ARL10: variants seen among roughly 807,000 people sequenced by gnomAD.
ARL10 encodes ADP-ribosylation factor-like protein 10.
Under a neutral mutation model 26.1 loss-of-function variants are expected in ARL10, and 23 were observed. That is an observed-to-expected ratio of 0.88 (90% confidence interval 0.63 to 1.25). ARL10 has a LOEUF of 1.25. ARL10 is among the 50% of genes most tolerant of loss of function. ARL10 has a pLI of 0.00. For synonymous variants in ARL10, 138 were observed against 149.1 expected (o/e 0.93, Z 0.54); for missense variants, 300 against 323.6 (o/e 0.93, Z 0.56).
intron 1 of ARL10, among the ~76,000 whole-genome samples, chr5:176,399,000 A>G (rs540886859): frequency 1.3e-5 from 2 of 151,808 alleles, no homozygotes; most frequent in African/African-American, 4.8e-5. Context: ...ACGTCACGAC[A>G]CCCGGCTAAT....
rs931072440 is a variant in ARL10, at chr5:176,380,183, C to G, written c.*8288C>G. 1 of 152,178 alleles carries G rather than the reference C, an allele frequency of 6.6e-6. No individual in the cohort carries two copies. Among genetic ancestry groups the G allele is most frequent in the African/African-American group, 2.4e-5 (1 of 41,444 alleles). The allele number at this position is 152,178 out of a possible 1,614,324, so 9.4% of individuals were successfully genotyped here. A position where few individuals can be genotyped will look rare whatever the true frequency, so the allele number is the denominator to read the frequency against. On this transcript the variant is annotated 3_prime_UTR_variant, in exon 4 of 4. Transcript: ENST00000310389. ...TCAAAGCATCGAGGCAAAGAAGAGA[C>G]AGAGAAGGAGCAATCCAGGTTCATG...
At chr5:176,371,074 T>G (rs1768512378) in intron 3 of ARL10, among the ~76,000 whole-genome samples, 1 of 152,142 alleles carries the variant, frequency 6.6e-6, no homozygotes, top group Admixed American at 6.5e-5. Flanking sequence ...GCTTGACACA[T>G]AGGAAGTGCT....
downstream of ARL10, among the ~76,000 whole-genome samples, chr5:176,383,061 C>T (rs1412070045): frequency 6.6e-6 from 1 of 152,078 alleles, no homozygotes; most frequent in East Asian, 1.9e-4. Context: ...TGATGGGCAG[C>T]CTTCAGGGGT....
chr5:176,392,396 C>T (rs1756292248), downstream of ARL10: 1 of 181,034 alleles, frequency 5.5e-6, no homozygotes, highest in Admixed American at 5.8e-5. The surrounding 1 kb of genome is among the most constrained non-coding windows in gnomAD (Gnocchi z 5.2). Context: ...ATTCTCCCTT[C>T]TCTCAAGGTC....
chr5:176,371,825 C>G lies in ARL10; in HGVS notation c.665C>G (p.Pro222Arg). ...EVFLLAASIA[P>R]AGPTFEEPGT... is the part of the protein sequence containing the mutation. ...TTCCTCTTGGCAGCCAGCATTGCCC[C>G]TGCAGGACCCACCTTTGAAGAGCCT... is the stretch of plus-strand genomic sequence containing the variant. The change falls in exon 4 of 4, where the codon CCT becomes CGT. Residue 222 changes from proline (P) to arginine (R), a missense_variant. Physicochemically the swap from Pro to Arg is moderately radical, Grantham distance 103. Transcript: ENST00000310389. 1 of 1,614,216 alleles carries G rather than the reference C, an allele frequency of 6.2e-7. No individual in the cohort carries two copies. The highest frequency in any genetic ancestry group is 2.2e-5 in the East Asian group (1 of 44,868).
chr5:176,411,003 GC>G, the ARL10 span, among the ~76,000 whole-genome samples: 1 of 152,166 alleles, frequency 6.6e-6, no homozygotes, highest in Non-Finnish European at 1.5e-5. Flanking sequence ...CCGCAGCTCA[GC>G]CCCAGCCCAG....
In ARL10 at chr5:176,372,603, CAG is replaced by C. The variant is rs1256976577; in HGVS notation, c.*710_*711del. The C allele has an allele frequency of 3.8e-6, 1 of 264,044 alleles. No individual in the cohort carries two copies. Among genetic ancestry groups the C allele is most frequent in the Non-Finnish European group, 7.1e-6 (1 of 141,794 alleles). 16.4% of individuals were successfully genotyped at this position (264,044 alleles called of 1,614,324 possible). A position where few individuals can be genotyped will look rare whatever the true frequency, so the allele number is the denominator to read the frequency against. On this transcript the variant is annotated 3_prime_UTR_variant, in exon 4 of 4. Transcript: ENST00000310389. ...CTGGCCTGCCAGCCTCTCTTGACTA[CAG>C]AATAACTGATATTCACCCACCAAAC...
At chr5:176,371,361 T>C (rs754691069) in intron 3 of ARL10, among the ~76,000 whole-genome samples, 4 of 152,162 alleles carry the variant, frequency 2.6e-5, no homozygotes, top group Non-Finnish European at 5.9e-5. Context: ...CCAGCCTGGG[T>C]GACAGAGCAA....
downstream of ARL10, among the ~76,000 whole-genome samples, chr5:176,382,770 C>T (rs1472772032): frequency 6.6e-6 from 1 of 152,142 alleles, no homozygotes; most frequent in Non-Finnish European, 1.5e-5. Context: ...ACAAAACCTA[C>T]AAGACACACA....
chr5:176,371,988 T>G lies in ARL10; in HGVS notation c.*93T>G. 2 of 1,501,094 alleles carry G rather than the reference T, an allele frequency of 1.3e-6. No homozygotes were observed. The highest frequency in any genetic ancestry group is 1.8e-6 in the Non-Finnish European group (2 of 1,122,678). 93.0% of individuals were successfully genotyped at this position (1,501,094 alleles called of 1,614,324 possible). A position where few individuals can be genotyped will look rare whatever the true frequency, so the allele number is the denominator to read the frequency against. On this transcript the variant is annotated 3_prime_UTR_variant, in exon 4 of 4. Transcript: ENST00000310389. Reference sequence around the variant, plus strand: ...GACTGGGCCTGGGGCAAGAGCCACATGGCAGCATTTCCCTTTTCCCCTCCT... The same window carrying G: ...GACTGGGCCTGGGGCAAGAGCCACAGGGCAGCATTTCCCTTTTCCCCTCCT...
downstream of ARL10, chr5:176,388,987 G>C (rs373545174): frequency 1.5e-5 from 25 of 1,613,706 alleles, no homozygotes; most frequent in African/African-American, 3.2e-4. Flanking sequence ...AGTGGGTGCG[G>C]TAGGAACTGC....
downstream of ARL10, chr5:176,406,549 G>C: frequency 7.8e-7 from 1 of 1,277,732 alleles, no homozygotes; most frequent in Non-Finnish European, 1.0e-6. Flanking sequence ...TAGGGGAAAG[G>C]AGAGAGGATC....
At chr5:176,382,902 A>G (rs1581401239), downstream of ARL10, among the ~76,000 whole-genome samples, 2 of 152,350 alleles carry the variant, frequency 1.3e-5, no homozygotes, top group African/African-American at 2.4e-5. Context: ...TGTGGAGGAC[A>G]TAAGATGGGG....
Position 176,368,910 on chromosome 5 carries a change from G to A in ARL10, c.489G>A (p.Trp163Ter). Residue 163 changes from tryptophan (W) to a stop codon, truncating the protein, a stop_gained, in exon 3 of 4, where the codon TGG (tryptophan) becomes TGA (stop). Coordinates refer to ENST00000310389, the MANE Select transcript of ARL10 (RefSeq NM_173664.6). LOFTEE classifies it high-confidence loss of function. This position sits in a 1 kb window ranked among gnomAD's most constrained non-coding sequence, Gnocchi z 4.1. ...VDSADRLRLP[W>*]ARQELHKLLD... The stretch of plus-strand genomic sequence containing the variant: ...CGGCTGACCGACTGCGGCTGCCCTG[G>A]GCCCGACAGGAGCTGCACAAGCTGC... 1 of 1,614,140 alleles carries A rather than the reference G, an allele frequency of 6.2e-7. No individual in the cohort carries two copies. Among genetic ancestry groups the A allele is most frequent in the Non-Finnish European group, 8.5e-7 (1 of 1,180,034 alleles).
chr5:176,399,755 T>TTTAC (rs1241079178), intron 1 of ARL10, among the ~76,000 whole-genome samples: 2 of 149,260 alleles, frequency 1.3e-5, no homozygotes, highest in Non-Finnish European at 3.0e-5. Flanking sequence ...ATTAGCCAGG[T>TTTAC]GTAATGGCTG....
downstream of ARL10, chr5:176,388,791 C>T (rs71599493): frequency 6.2e-7 from 1 of 1,604,548 alleles, no homozygotes; most frequent in Non-Finnish European, 8.5e-7. Flanking sequence ...GTCGGAGTCC[C>T]GATTTTCTCC....
At chr5:176,384,849 T>G (rs1040806076), downstream of ARL10, 6 of 476,586 alleles carry the variant, frequency 1.3e-5, no homozygotes, top group South Asian at 2.1e-4. Context: ...TGACCCATCA[T>G]AGCCAGCTAA....
chr5:176,412,900 T>A, the ARL10 span, among the ~76,000 whole-genome samples: 1 of 152,080 alleles, frequency 6.6e-6, no homozygotes, highest in Non-Finnish European at 1.5e-5. Flanking sequence ...GTTACCAGGG[T>A]CTATTCCCTG....
intron 3 of ARL10, chr5:176,369,224 A>T: frequency 6.7e-7 from 1 of 1,486,438 alleles, no homozygotes; most frequent in Non-Finnish European, 8.9e-7. Flanking sequence ...TATGCCAGGC[A>T]TGGTGTTTTG....
Sources: allele counts gnomAD v4.1 joint callset (sites outside exome capture counted in the v4.1 genomes callset), GRCh38; gene constraint gnomAD v4.1.1; non-coding constraint Gnocchi (gnomAD v3.1); transcripts MANE v1.5; gene names NCBI Gene and HGNC (gene_info 2026-07-23, HGNC 2026-07-21).